Variants in LNX1 observed in about 807,000 individuals in gnomAD.
LNX1 encodes ligand of numb-protein X 1, also known as E3 ubiquitin-protein ligase LNX.
In LNX1, 54 loss-of-function variants were observed where a neutral mutation model predicts 68.4. The ratio of observed to expected loss-of-function variants is 0.79; its 90% CI spans 0.63 to 0.99. The LOEUF is 0.99. Among genes scored for constraint, LNX1 ranks in the 50% least tolerant of loss-of-function variants. The pLI, the probability that LNX1 is intolerant of heterozygous loss-of-function variation, is 0.00. For synonymous variants in LNX1, 336 were observed against 350.0 expected (o/e 0.96, Z 0.45); for missense variants, 906 against 926.4 (o/e 0.98, Z 0.29).
chr4:53,650,554 T>C (rs1443673755), intron 1 of LNX1, among the ~76,000 whole-genome samples: 1 of 152,216 alleles, frequency 6.6e-6, no homozygotes, highest in East Asian at 1.9e-4. Flanking sequence ...TATGAATTTA[T>C]GGTTTTCTAT....
At chr4:53,568,692 T>C (rs1359122236) in intron 2 of LNX1, among the ~76,000 whole-genome samples, 1 of 151,316 alleles carries the variant, frequency 6.6e-6, no homozygotes, top group Non-Finnish European at 1.5e-5. Flanking sequence ...AAATAAAGGG[T>C]ATTCAATTAG....
At chr4:53,521,633 T>G (rs1026723990) in intron 2 of LNX1, among the ~76,000 whole-genome samples, 16 of 152,180 alleles carry the variant, frequency 1.1e-4, no homozygotes, top group Admixed American at 3.3e-4. Context: ...CCCAATATAT[T>G]TAAAAGAAAC....
intron 2 of LNX1, among the ~76,000 whole-genome samples, chr4:53,548,978 AAC>A (rs886631412): frequency 6.6e-6 from 1 of 152,232 alleles, no homozygotes; most frequent in African/African-American, 2.4e-5. Flanking sequence ...AGAACTTCTG[AAC>A]ACACAGAAGG....
At chr4:53,478,438 G>T in intron 8 of LNX1, 127 bp downstream of exon 8, 1 of 806,052 alleles carries the variant, frequency 1.2e-6, no homozygotes, top group Non-Finnish European at 1.9e-6. Context: ...TGGTCAATGG[G>T]TAACAAAAGT....
rs5858218 is a variant in LNX1, at chr4:53,513,104, ATT to A, written c.381-4879_381-4878del. ...CCACTGCATCTTAACCATACCAACA[ATT>A]TTTTTTTTTAACTCAAAAACCGCCC... On this transcript the variant is annotated intron_variant, in intron 2 of 10. Coordinates refer to ENST00000263925, the MANE Select transcript of LNX1 (RefSeq NM_001126328.3). Among the ~76,000 whole-genome samples, 112 of 150,882 alleles carry A rather than the reference ATT, an allele frequency of 7.4e-4. 2 individuals carry two copies. Among genetic ancestry groups the A allele is most frequent in the Middle Eastern group, 3.4e-3 (1 of 294 alleles).
intron 2 of LNX1, among the ~76,000 whole-genome samples, chr4:53,610,769 GA>G (rs1733458732): frequency 6.9e-6 from 1 of 144,752 alleles, no homozygotes; most frequent in East Asian, 2.1e-4. Flanking sequence ...GAAATTAGAA[GA>G]AGAATAAAGA....
chr4:53,640,030 C>T (rs1252022871), intron 1 of LNX1, among the ~76,000 whole-genome samples: 1 of 151,646 alleles, frequency 6.6e-6, no homozygotes, highest in Non-Finnish European at 1.5e-5. Context: ...GAGTGAGACT[C>T]TGTCTCAAAA....
intron 2 of LNX1, among the ~76,000 whole-genome samples, chr4:53,528,118 T>G (rs373923397): frequency 3.0e-4 from 45 of 152,324 alleles, no homozygotes; most frequent in African/African-American, 1.0e-3. Flanking sequence ...TGCCTAATCC[T>G]TTGTGTCCGC....
At chr4:53,620,928 A>C (rs1399655173), upstream of LNX1, among the ~76,000 whole-genome samples, 1 of 152,168 alleles carries the variant, frequency 6.6e-6, no homozygotes, top group Non-Finnish European at 1.5e-5. Flanking sequence ...AAACTTAGAA[A>C]GCCAATATCG....
At chr4:53,588,355 A>T (rs1732301708) in intron 1 of LNX1, among the ~76,000 whole-genome samples, 1 of 152,190 alleles carries the variant, frequency 6.6e-6, no homozygotes, top group African/African-American at 2.4e-5. Context: ...CAAGCACTTT[A>T]CACATTTCAA....
intron 1 of LNX1, among the ~76,000 whole-genome samples, chr4:53,589,782 A>G (rs559891916): frequency 1.7e-4 from 26 of 152,362 alleles, no homozygotes; most frequent in Non-Finnish European, 3.7e-4. Flanking sequence ...ATTACCCAAC[A>G]GACCAACTGC....
intron 2 of LNX1, among the ~76,000 whole-genome samples, chr4:53,555,968 C>T (rs1286056832): frequency 6.6e-6 from 1 of 152,230 alleles, no homozygotes; most frequent in East Asian, 1.9e-4. Context: ...TCCTCAATAG[C>T]AGGAATCTTT....
At chr4:53,565,896 C>A (rs559611952) in intron 2 of LNX1, among the ~76,000 whole-genome samples, 1 of 152,004 alleles carries the variant, frequency 6.6e-6, no homozygotes, top group Admixed American at 6.5e-5. Context: ...GAAAGGGTAT[C>A]AGCAATGGAA....
chr4:53,626,095 T>C (rs1290641069), intron 1 of LNX1, among the ~76,000 whole-genome samples: 1 of 152,210 alleles, frequency 6.6e-6, no homozygotes, highest in African/African-American at 2.4e-5. Context: ...GCGACATGGA[T>C]GAACCTGGAG....
intron 1 of LNX1, chr4:53,575,584 C>A: frequency 1.2e-5 from 15 of 1,279,630 alleles, no homozygotes; most frequent in Non-Finnish European, 1.5e-5. Flanking sequence ...GGTCAACTTT[C>A]ATGGTGATTA....
At chr4:53,590,207 C>T (rs908163283) in intron 1 of LNX1, among the ~76,000 whole-genome samples, 2 of 152,124 alleles carry the variant, frequency 1.3e-5, no homozygotes, top group African/African-American at 4.8e-5. Context: ...TGGTGAGGAA[C>T]GACTGTCTGT....
At chr4:53,470,261 T>A (rs958565713) in intron 9 of LNX1, among the ~76,000 whole-genome samples, 2 of 152,222 alleles carry the variant, frequency 1.3e-5, no homozygotes, top group Admixed American at 6.5e-5. Flanking sequence ...TCTCAATAGA[T>A]GCAGAAAAGC....
At chr4:53,495,845 A>C (rs952996390) in intron 6 of LNX1, among the ~76,000 whole-genome samples, 178 bp downstream of exon 6, 3 of 152,170 alleles carry the variant, frequency 2.0e-5, no homozygotes, top group Admixed American at 2.0e-4. Flanking sequence ...CGCCCAGCCG[A>C]GTAATGTTCT....
chr4:53,567,821 C>A (rs1342753385), intron 2 of LNX1, among the ~76,000 whole-genome samples: 2 of 151,978 alleles, frequency 1.3e-5, no homozygotes, highest in Non-Finnish European at 2.9e-5. Flanking sequence ...GATATCACCA[C>A]CGATCCCACA....
Sources: gnomAD v4.1 joint callset for allele counts (sites outside exome capture counted in the v4.1 genomes callset) on GRCh38, gnomAD v4.1.1 for gene constraint, MANE v1.5 for transcripts, NCBI Gene and HGNC (gene_info 2026-07-23, HGNC 2026-07-21) for gene names.